Variants in UPF2 observed in about 807,000 individuals in gnomAD.
The protein encoded by UPF2 is UPF2 regulator of nonsense mediated mRNA decay.
In UPF2, 17 loss-of-function variants were observed where a neutral mutation model predicts 141.4. That is an observed-to-expected ratio of 0.12 (90% CI 0.08 to 0.18). UPF2 has a LOEUF of 0.18. Ranked by LOEUF, UPF2 falls within the 10% of genes least tolerant of loss-of-function variation. The pLI is 1.00. For synonymous variants in UPF2, 540 were observed against 498.0 expected (o/e 1.08, Z -1.12); for missense variants, 1,152 against 1,515.9 (o/e 0.76, Z 3.99).
chr10:11,971,979 A>C (rs1190357579), intron 9 of UPF2, among the ~76,000 whole-genome samples: 1 of 150,756 alleles, frequency 6.6e-6, no homozygotes, highest in African/African-American at 2.4e-5. Context: ...CAGGAGAATC[A>C]CTTGAACCCA....
At chr10:11,987,761 CAAAAAAAA>C (rs572687103) in intron 8 of UPF2, among the ~76,000 whole-genome samples, 1 of 54,142 alleles carries the variant, frequency 1.8e-5, no homozygotes, top group East Asian at 8.1e-4. Context: ...GACTCTGCCT[CAAAAAAAA>C]AAAAAAAAAA....
intron 18 of UPF2, among the ~76,000 whole-genome samples, chr10:11,942,328 G>A (rs545000644): frequency 2.0e-5 from 3 of 152,198 alleles, no homozygotes; most frequent in East Asian, 1.9e-4. Flanking sequence ...AGCTGAGATC[G>A]TGCCACTGCA....
chr10:12,031,093 G>T (rs1388088833), intron 2 of UPF2, among the ~76,000 whole-genome samples: 1 of 147,296 alleles, frequency 6.8e-6, no homozygotes, highest in Non-Finnish European at 1.5e-5. Flanking sequence ...AGAATGGCAT[G>T]AACCCGGGAG....
intron 11 of UPF2, among the ~76,000 whole-genome samples, chr10:11,961,763 G>C (rs1833245425): frequency 6.6e-6 from 1 of 152,160 alleles, no homozygotes; most frequent in South Asian, 2.1e-4. Flanking sequence ...ATGAATAAAT[G>C]AATGAATTTT....
chr10:11,932,102 T>C (rs1212031571), intron 19 of UPF2, among the ~76,000 whole-genome samples: 3 of 151,794 alleles, frequency 2.0e-5, no homozygotes, highest in South Asian at 4.1e-4. Context: ...TGAGCCGAGA[T>C]TGTGCCACTG....
intron 11 of UPF2, among the ~76,000 whole-genome samples, chr10:11,960,993 C>T (rs1434474705): frequency 6.8e-6 from 1 of 147,740 alleles, no homozygotes; most frequent in African/African-American, 2.5e-5. Flanking sequence ...GGGAGGCTGA[C>T]GTGGAAGGAT....
chr10:11,979,290 T>C lies in UPF2; in HGVS notation c.1845-125A>G. 1 of 573,096 alleles carries C rather than the reference T, an allele frequency of 1.7e-6. No individual in the cohort carries two copies. 35.5% of individuals were successfully genotyped at this position (573,096 alleles called of 1,614,324 possible). ...CTTAAAACTCATAATCATACAGACATGCCTATTTATTGCCATCATAAAGAA... is the reference window on the plus strand; with the variant it reads ...CTTAAAACTCATAATCATACAGACACGCCTATTTATTGCCATCATAAAGAA... On this transcript the variant is annotated intron_variant, in intron 8 of 21. Coordinates refer to ENST00000357604, the MANE Select transcript of UPF2 (RefSeq NM_015542.4). The surrounding 1 kb of genome is among the most constrained non-coding windows in gnomAD (Gnocchi z 6.2).
chr10:11,952,791 A>T (rs1023370597), intron 14 of UPF2, among the ~76,000 whole-genome samples: 17 of 152,072 alleles, frequency 1.1e-4, no homozygotes, highest in African/African-American at 3.9e-4. Context: ...TCTTTTTATT[A>T]TAACTGTCAC....
chr10:11,956,533 G>A lies in UPF2; in HGVS notation c.2371-10C>T. Reference sequence around the variant, plus strand: ...GCATCTGTCTCAAAACCTAAAAAAAGAGAATTTTGTTCAAATTATTAAGAT... The same window carrying A: ...GCATCTGTCTCAAAACCTAAAAAAAAAGAATTTTGTTCAAATTATTAAGAT... On this transcript the variant is annotated splice_polypyrimidine_tract_variant and intron_variant, in intron 12 of 21. Transcript: ENST00000357604. The surrounding 1 kb of genome is among the most constrained non-coding windows in gnomAD (Gnocchi z 4.2). 1 of 1,611,628 alleles carries A rather than the reference G, an allele frequency of 6.2e-7. No individual in the cohort carries two copies. Among genetic ancestry groups the A allele is most frequent in the Non-Finnish European group, 8.5e-7 (1 of 1,179,538 alleles).
chr10:11,967,385 T>TA lies in UPF2; in HGVS notation c.2022dup (p.Lys675Ter). 1 of 1,591,712 alleles carries TA rather than the reference T, an allele frequency of 6.3e-7. No homozygotes were observed. Among genetic ancestry groups the TA allele is most frequent in the Non-Finnish European group, 8.5e-7 (1 of 1,173,102 alleles). Reference sequence around the variant, plus strand: ...TCATTTTTGGTGAACATCTTAAACTTAGTTAGTTCTCCTATAAAACGAACA... The same window carrying TA: ...TCATTTTTGGTGAACATCTTAAACTTAAGTTAGTTCTCCTATAAAACGAACA... On this transcript the variant is annotated frameshift_variant, in exon 10 of 22. Coordinates refer to ENST00000357604, the MANE Select transcript of UPF2 (RefSeq NM_015542.4). LOFTEE classifies it high-confidence loss of function.
At chr10:12,026,504 T>C (rs1564371351) in intron 3 of UPF2, 1 of 362,896 alleles carries the variant, frequency 2.8e-6, no homozygotes, top group African/African-American at 2.1e-5. Context: ...GATACTGTCA[T>C]GGGAATAAAA....
At chr10:12,008,708 G>A (rs7476685) in intron 4 of UPF2, among the ~76,000 whole-genome samples, 1 of 148,236 alleles carries the variant, frequency 6.7e-6, no homozygotes, top group African/African-American at 2.5e-5. Flanking sequence ...TAAGTTCCAA[G>A]ATACATGTGC....
At chr10:12,023,633 T>C (rs1325687710) in intron 3 of UPF2, among the ~76,000 whole-genome samples, 1 of 150,894 alleles carries the variant, frequency 6.6e-6, no homozygotes, top group African/African-American at 2.4e-5. Context: ...GAGGTTGTGA[T>C]AAGCTGAGAC....
At chr10:11,967,493 T>A in intron 9 of UPF2, 39 bp from the exon 10 acceptor site, 1 of 1,225,056 alleles carries the variant, frequency 8.2e-7, no homozygotes, top group Non-Finnish European at 1.1e-6. Context: ...TTAATCAACA[T>A]TTTGAATCTC....
chr10:11,943,081 T>C lies in UPF2; in HGVS notation c.3262A>G (p.Thr1088Ala). Residue 1088 changes from threonine to alanine, a missense_variant, in exon 17 of 22, where the codon ACC becomes GCC. This residue lies in a region of UPF2 where 202 missense variants were observed against 223.6 expected (regional missense o/e 0.90). Transcript: ENST00000357604. ...ATACGTACAGTATTCTCTTCATCGGTTTCATTTTCCTTATTGGAATCTGTA... is the reference window on the plus strand; with the variant it reads ...ATACGTACAGTATTCTCTTCATCGGCTTCATTTTCCTTATTGGAATCTGTA... Reference protein sequence around the residue: ...YLTDSNKENETDEENTEVMIK... With the variant: ...YLTDSNKENEADEENTEVMIK... 6.2e-7 allele frequency: 1 copy of C among 1,611,660 alleles called. No homozygotes were observed. The highest frequency in any genetic ancestry group is 8.5e-7 in the Non-Finnish European group (1 of 1,178,862).
At chr10:12,024,368 G>A (rs2131300527) in intron 3 of UPF2, among the ~76,000 whole-genome samples, 1 of 152,314 alleles carries the variant, frequency 6.6e-6, no homozygotes, top group Non-Finnish European at 1.5e-5. Context: ...CCAGCACTTT[G>A]GGAGACCAAG....
At chr10:11,933,892 A>G (rs149249418) in intron 19 of UPF2, among the ~76,000 whole-genome samples, 1 of 152,336 alleles carries the variant, frequency 6.6e-6, no homozygotes, top group East Asian at 1.9e-4. Flanking sequence ...AGTTAACAAA[A>G]ATCATGGCCT....
intron 11 of UPF2, among the ~76,000 whole-genome samples, chr10:11,962,079 A>C (rs1480258723): frequency 6.6e-6 from 1 of 152,200 alleles, no homozygotes; most frequent in Non-Finnish European, 1.5e-5. Context: ...TTTGGACAAA[A>C]TAGAATGCAT....
chr10:12,028,667 G>A, intron 3 of UPF2, 78 bp downstream of exon 3: 2 of 1,425,454 alleles, frequency 1.4e-6, no homozygotes, highest in Non-Finnish European at 1.9e-6. Context: ...AGTTCTTTCA[G>A]TGGCATGAAG....
Sources: allele counts gnomAD v4.1 joint callset (sites outside exome capture counted in the v4.1 genomes callset), GRCh38; gene constraint gnomAD v4.1.1; regional missense constraint gnomAD v4.1.1; non-coding constraint Gnocchi (gnomAD v3.1); transcripts MANE v1.5; gene names NCBI Gene and HGNC (gene_info 2026-07-23, HGNC 2026-07-21).